Variants in PGM5 observed in about 807,000 individuals in gnomAD.
PGM5 encodes phosphoglucomutase-like protein 5.
Under a neutral mutation model 59.2 loss-of-function variants are expected in PGM5, and 23 were observed. That is an observed-to-expected ratio of 0.39 (90% CI 0.28 to 0.55). The LOEUF (loss-of-function observed/expected upper bound fraction) is 0.55. Ranked by LOEUF, PGM5 falls within the 20% of genes least tolerant of loss-of-function variation. The pLI is 0.66. For missense variants in PGM5, 574 were observed against 748.3 expected, an observed-to-expected ratio of 0.77 and a Z score of 2.72; for synonymous variants, 214 against 286.0, an observed-to-expected ratio of 0.75 and a Z score of 2.54.
At chr9:68,389,153 A>C (rs2132007739) in intron 4 of PGM5, among the ~76,000 whole-genome samples, 1 of 152,090 alleles carries the variant, frequency 6.6e-6, no homozygotes, top group Middle Eastern at 3.4e-3. Flanking sequence ...TAATTTCCCA[A>C]AACTTTTGTT....
At chr9:68,483,498 G>T (rs1041373250) in intron 8 of PGM5, among the ~76,000 whole-genome samples, 1 of 152,222 alleles carries the variant, frequency 6.6e-6, no homozygotes, top group Non-Finnish European at 1.5e-5. Context: ...GAAGAGACCA[G>T]TGTGGCTGGA....
At chr9:68,418,391 T>C (rs1284687201) in intron 6 of PGM5, among the ~76,000 whole-genome samples, 1 of 152,178 alleles carries the variant, frequency 6.6e-6, no homozygotes, top group Non-Finnish European at 1.5e-5. Context: ...ACTCTGTTCC[T>C]GCGCTCAGCT....
At chr9:68,424,589 T>G (rs1823202754) in intron 6 of PGM5, among the ~76,000 whole-genome samples, 1 of 152,198 alleles carries the variant, frequency 6.6e-6, no homozygotes, top group African/African-American at 2.4e-5. Context: ...ATAGCACTAC[T>G]CACAAGAAAT....
intron 6 of PGM5, among the ~76,000 whole-genome samples, chr9:68,433,729 C>CA (rs1554683195): frequency 6.6e-6 from 1 of 152,200 alleles, no homozygotes; most frequent in Non-Finnish European, 1.5e-5. Flanking sequence ...CAGATAACAG[C>CA]ACTCATGTGA....
intron 6 of PGM5, among the ~76,000 whole-genome samples, chr9:68,455,929 C>T (rs552573717): frequency 6.6e-6 from 1 of 152,294 alleles, no homozygotes; most frequent in South Asian, 2.1e-4. Flanking sequence ...GGCTCTTTTG[C>T]ATTCTATAAT....
At chr9:68,370,807 C>T (rs1821681344) in intron 1 of PGM5, among the ~76,000 whole-genome samples, 1 of 152,108 alleles carries the variant, frequency 6.6e-6, no homozygotes, top group South Asian at 2.1e-4. Context: ...GAAGGACGGA[C>T]ACAAAGAGTT....
At chr9:68,482,180 C>T (rs1824206815) in intron 8 of PGM5, among the ~76,000 whole-genome samples, 1 of 152,056 alleles carries the variant, frequency 6.6e-6, no homozygotes. Context: ...TGATTCTCAA[C>T]CCTAGACTGA....
At chr9:68,381,640 GCACACA>G (rs4014841) in intron 2 of PGM5, among the ~76,000 whole-genome samples, 6 of 145,298 alleles carry the variant, frequency 4.1e-5, no homozygotes, top group African/African-American at 1.6e-4. Flanking sequence ...TTCTACACAT[GCACACA>G]CACACACACA....
chr9:68,511,851 T>G (rs569474615), intron 10 of PGM5, among the ~76,000 whole-genome samples: 157 of 152,292 alleles, frequency 1.0e-3, no homozygotes, highest in African/African-American at 3.7e-3. Flanking sequence ...TGCAATTGAC[T>G]TGTCCTTTTC....
chr9:68,433,315 C>T (rs1422921905), intron 6 of PGM5, among the ~76,000 whole-genome samples: 1 of 152,214 alleles, frequency 6.6e-6, no homozygotes, highest in Non-Finnish European at 1.5e-5. Context: ...CTCTGTGTTC[C>T]AATGTCCCAT....
chr9:68,388,787 A>G (rs1179583129), intron 4 of PGM5, among the ~76,000 whole-genome samples: 26 of 152,118 alleles, frequency 1.7e-4, no homozygotes, highest in Non-Finnish European at 3.2e-4. Flanking sequence ...ATCCAGTGCT[A>G]TTTTGATTTT....
intron 7 of PGM5, chr9:68,466,274 T>TG: frequency 1.1e-5 from 10 of 928,532 alleles, no homozygotes; most frequent in Non-Finnish European, 1.2e-5. Context: ...CTGTGTGTTT[T>TG]TTTTTTTTTT....
intron 1 of PGM5, among the ~76,000 whole-genome samples, chr9:68,368,638 G>GTT (rs533125105): frequency 3.4e-5 from 5 of 147,174 alleles, no homozygotes; most frequent in East Asian, 1.9e-4. Context: ...TAGTTTTTAG[G>GTT]TTTTTTTTTT....
intron 7 of PGM5, among the ~76,000 whole-genome samples, chr9:68,477,933 TACA>T (rs782534245): frequency 3.9e-4 from 59 of 152,228 alleles, no homozygotes; most frequent in Non-Finnish European, 8.4e-4. Context: ...ATTAAGTTGA[TACA>T]ACAACAATGC....
intron 6 of PGM5, among the ~76,000 whole-genome samples, chr9:68,394,888 C>A (rs1822459982): frequency 6.6e-6 from 1 of 152,140 alleles, no homozygotes; most frequent in Non-Finnish European, 1.5e-5. Flanking sequence ...TCCCAAAGTG[C>A]TGGGATTATG....
chr9:68,419,293 G>T (rs1331638130), intron 6 of PGM5, among the ~76,000 whole-genome samples: 4 of 152,056 alleles, frequency 2.6e-5, no homozygotes, highest in African/African-American at 9.7e-5. Context: ...AAGACTGCTG[G>T]CAATTTTCAA....
intron 1 of PGM5, among the ~76,000 whole-genome samples, chr9:68,368,571 T>C (rs1233937978): frequency 1.3e-5 from 2 of 152,282 alleles, no homozygotes; most frequent in Non-Finnish European, 2.9e-5. Context: ...ATCGTTGATA[T>C]GTAAGCATGT....
At chr9:68,366,976 C>T (rs1834691363) in intron 1 of PGM5, among the ~76,000 whole-genome samples, 1 of 152,138 alleles carries the variant, frequency 6.6e-6, no homozygotes, top group South Asian at 2.1e-4. Flanking sequence ...ATCACAGTTG[C>T]TTTGGTGCAG....
chr9:68,426,273 A>G (rs1823236359), intron 6 of PGM5, among the ~76,000 whole-genome samples: 1 of 151,796 alleles, frequency 6.6e-6, no homozygotes, highest in African/African-American at 2.4e-5. Context: ...AAAAAAAAAA[A>G]AGAGGATGTC....
Sources: allele counts gnomAD v4.1 joint callset (sites outside exome capture counted in the v4.1 genomes callset), GRCh38; gene constraint gnomAD v4.1.1; transcripts MANE v1.5; gene names NCBI Gene and HGNC (gene_info 2026-07-23, HGNC 2026-07-21).